CD86: variants seen among roughly 807,000 people sequenced by gnomAD.
CD86 encodes T-lymphocyte activation antigen CD86.
A neutral mutation model predicts 32.1 loss-of-function variants in CD86; 11 were observed. That is an observed-to-expected ratio of 0.34 (90% CI 0.22 to 0.57). The LOEUF (loss-of-function observed/expected upper bound fraction) is 0.57. Among genes scored for constraint, CD86 ranks in the 20% least tolerant of loss-of-function variants. The probability of loss-of-function intolerance (pLI) is 0.86; values close to 1 mark genes in which losing one functional copy is unlikely to be tolerated. For missense variants in CD86, 359 were observed against 398.4 expected (o/e 0.90, Z 0.84); for synonymous variants, 137 against 135.3 (o/e 1.01, Z -0.09).
chr3:122,106,011 A>G (rs912589945), intron 3 of CD86, among the ~76,000 whole-genome samples, 187 bp from the exon 4 acceptor site: 1 of 152,090 alleles, frequency 6.6e-6, no homozygotes, highest in Non-Finnish European at 1.5e-5. Context: ...TGCAAACTCT[A>G]TTGTTGAAAA....
intron 1 of CD86, among the ~76,000 whole-genome samples, chr3:122,059,248 G>A (rs2072288294): frequency 6.6e-6 from 1 of 152,196 alleles, no homozygotes; most frequent in South Asian, 2.1e-4. Flanking sequence ...CAATTCAGTA[G>A]CAGAGAGGTT....
At chr3:122,080,171 G>T (rs546164602) in intron 1 of CD86, among the ~76,000 whole-genome samples, 1 of 152,226 alleles carries the variant, frequency 6.6e-6, no homozygotes, top group South Asian at 2.1e-4. Context: ...ACCAGGATGG[G>T]CATGGCTCCC....
intron 2 of CD86, among the ~76,000 whole-genome samples, chr3:122,099,608 C>T (rs1352584414): frequency 2.0e-5 from 3 of 151,962 alleles, no homozygotes; most frequent in Non-Finnish European, 4.4e-5. Context: ...GTAGAGTGTC[C>T]CCAGGGTAAA....
intron 1 of CD86, among the ~76,000 whole-genome samples, chr3:122,071,379 A>C (rs1228066436): frequency 2.0e-5 from 3 of 152,052 alleles, no homozygotes; most frequent in Non-Finnish European, 4.4e-5. Context: ...GGAATCATAC[A>C]GTATGTACCC....
chr3:122,064,351 A>T (rs1444685344), intron 1 of CD86, among the ~76,000 whole-genome samples: 1 of 152,204 alleles, frequency 6.6e-6, no homozygotes, highest in Non-Finnish European at 1.5e-5. Context: ...CTTTGACTAA[A>T]ATTGCCAGAT....
At chr3:122,065,155 T>C (rs576345223) in intron 1 of CD86, among the ~76,000 whole-genome samples, 3 of 152,308 alleles carry the variant, frequency 2.0e-5, no homozygotes, top group African/African-American at 7.2e-5. Flanking sequence ...AATGCCAGTC[T>C]GATCCCAGAG....
In CD86 at chr3:122,055,445, A is replaced by T; in HGVS notation, c.-45A>T. On this transcript the variant is annotated 5_prime_UTR_variant, in exon 1 of 7. Transcript: ENST00000330540. The stretch of plus-strand genomic sequence containing the variant: ...AGGGACTAGCACAGACACACGGATG[A>T]GTGGGGTCATTTCCAGATATTAGGT... 6.2e-7 allele frequency: 1 copy of T among 1,603,684 alleles called. No individual in the cohort carries two copies. The highest frequency in any genetic ancestry group is 8.5e-7 in the Non-Finnish European group (1 of 1,170,478).
rs199821230 is a variant in CD86, at chr3:122,106,169, A to AT, written c.401-20dup. The AT allele has an allele frequency of 6.0e-4, 904 of 1,505,250 alleles. 2 individuals are homozygous for AT. The highest frequency in any genetic ancestry group is 2.2e-3 in the Middle Eastern group (10 of 4,602). 93.2% of individuals were successfully genotyped at this position (1,505,250 alleles called of 1,614,324 possible). A position where few individuals can be genotyped will look rare whatever the true frequency, so the allele number is the denominator to read the frequency against. ...CCTAGATACATCTAAACTTAGATTG[A>AT]TTTTTTTTTATCTCTCTTCTGCTTT... On this transcript the variant is annotated intron_variant, in intron 3 of 6. Coordinates refer to ENST00000330540, the MANE Select transcript of CD86 (RefSeq NM_175862.5).
chr3:122,103,515 C>T lies in CD86; in HGVS notation c.68C>T (p.Ala23Val), dbSNP rs2107538448. 3 of 1,604,638 alleles carry T rather than the reference C, an allele frequency of 1.9e-6. No individual in the cohort carries two copies. The highest frequency in any genetic ancestry group is 2.6e-6 in the Non-Finnish European group (3 of 1,175,194). ...LFVMAFLLSGAAPLKIQAYFN... is the reference protein window; with the variant it reads ...LFVMAFLLSGVAPLKIQAYFN... ...AATCCTTAACCTTCTTTTTTAGGTG[C>T]TGCTCCTCTGAAGATTCAAGCTTAT... The change falls in exon 3 of 7, where the codon GCT becomes GTT. Residue 23 changes from alanine (A) to valine (V), a missense_variant. Coordinates refer to ENST00000330540, the MANE Select transcript of CD86 (RefSeq NM_175862.5).
chr3:122,111,893 G>T (rs1335057256), intron 5 of CD86, among the ~76,000 whole-genome samples: 2 of 152,102 alleles, frequency 1.3e-5, no homozygotes. Flanking sequence ...CCTATCCAGT[G>T]TTTTCTCATT....
At chr3:122,072,447 T>C (rs952355092) in intron 1 of CD86, among the ~76,000 whole-genome samples, 9 of 152,214 alleles carry the variant, frequency 5.9e-5, no homozygotes, top group South Asian at 4.1e-4. Context: ...TGGTATCTCA[T>C]TGTGGTTTTG....
Position 122,103,766 on chromosome 3 carries a change from T to A in CD86, c.319T>A (p.Leu107Met). 1 of 1,614,040 alleles carries A rather than the reference T, an allele frequency of 6.2e-7. No homozygotes were observed. Among genetic ancestry groups the A allele is most frequent in the Non-Finnish European group, 8.5e-7 (1 of 1,179,924 alleles). Residue 107 changes from leucine to methionine, a missense_variant, in exon 3 of 7, where the codon TTG (leucine) becomes ATG (methionine). Coordinates refer to ENST00000330540, the MANE Select transcript of CD86 (RefSeq NM_175862.5). ...LHNLQIKDKG[L>M]YQCIIHHKKP... is the part of the protein sequence containing the mutation. ...CAATCTTCAGATCAAGGACAAGGGCTTGTATCAATGTATCATCCATCACAA... is the reference window on the plus strand; with the variant it reads ...CAATCTTCAGATCAAGGACAAGGGCATGTATCAATGTATCATCCATCACAA...
chr3:122,084,774 C>T (rs2072689044), intron 1 of CD86, among the ~76,000 whole-genome samples: 1 of 152,152 alleles, frequency 6.6e-6, no homozygotes, highest in Non-Finnish European at 1.5e-5. Context: ...CAGAATATCC[C>T]TTGTACTGTA....
Position 122,093,628 on chromosome 3 carries a change from G to A in CD86, c.64+1978G>A, listed in dbSNP as rs146300513. On this transcript the variant is annotated intron_variant, in intron 2 of 6. Coordinates refer to ENST00000330540, the MANE Select transcript of CD86 (RefSeq NM_175862.5). ...AGAAAAGATACAGTAAAAATATGGT[G>A]TTATAATCTTATGGGACCACCATTG... Among the ~76,000 whole-genome samples the A allele has an allele frequency of 1.5e-3, 223 of 152,272 alleles. 1 individual carries two copies. In the South Asian group the frequency reaches 0.018, roughly 12 times the overall value.
At chr3:122,074,149 G>C (rs193079159) in intron 1 of CD86, among the ~76,000 whole-genome samples, 1 of 152,244 alleles carries the variant, frequency 6.6e-6, no homozygotes, top group African/African-American at 2.4e-5. Context: ...ACTGATGCTG[G>C]GCCCCATGAG....
chr3:122,102,690 T>A (rs568221055), intron 2 of CD86, among the ~76,000 whole-genome samples: 17 of 152,220 alleles, frequency 1.1e-4, no homozygotes, highest in African/African-American at 3.9e-4. Context: ...CACCTGCCCA[T>A]CTATGATTCA....
intron 2 of CD86, among the ~76,000 whole-genome samples, chr3:122,092,787 C>T (rs913449904): frequency 6.6e-6 from 1 of 152,230 alleles, no homozygotes; most frequent in Non-Finnish European, 1.5e-5. Context: ...CATGAGTTCA[C>T]CTCCTCCAGA....
chr3:122,105,759 C>T (rs1332344360), intron 3 of CD86, among the ~76,000 whole-genome samples: 1 of 152,084 alleles, frequency 6.6e-6, no homozygotes, highest in Non-Finnish European at 1.5e-5. Context: ...GGCATCTCAG[C>T]ACCATGAACT....
chr3:122,112,550 C>T (rs564591106), intron 5 of CD86, among the ~76,000 whole-genome samples: 1 of 152,216 alleles, frequency 6.6e-6, no homozygotes, highest in South Asian at 2.1e-4. Context: ...CTCTTGACCT[C>T]GTGATCCGTT....
Sources: gnomAD v4.1 joint callset for allele counts (sites outside exome capture counted in the v4.1 genomes callset) on GRCh38, gnomAD v4.1.1 for gene constraint, MANE v1.5 for transcripts, NCBI Gene and HGNC (gene_info 2026-07-23, HGNC 2026-07-21) for gene names.